EYS: variants seen among roughly 807,000 people sequenced by gnomAD.
The protein encoded by EYS is EGF-like photoreceptor maintenance factor.
A neutral mutation model predicts 282.1 loss-of-function variants in EYS; 250 were observed. The ratio of observed to expected loss-of-function variants is 0.89; its 90% confidence interval spans 0.80 to 0.98. The LOEUF is 0.98. Among genes scored for constraint, EYS ranks in the 50% least tolerant of loss-of-function variants. The pLI is 0.00. For missense variants in EYS, 4,016 were observed against 3,709.0 expected (o/e 1.08, Z -2.15); for synonymous variants, 1,355 against 1,282.9 (o/e 1.06, Z -1.20).
chr6:64,083,423 C>T (rs2149870383), intron 31 of EYS, among the ~76,000 whole-genome samples: 1 of 152,302 alleles, frequency 6.6e-6, no homozygotes, highest in Middle Eastern at 3.4e-3. Context: ...GGTGGCCTGA[C>T]ACCTGCTGTC....
At chr6:64,784,871 T>C (rs185056440) in intron 22 of EYS, among the ~76,000 whole-genome samples, 4 of 152,270 alleles carry the variant, frequency 2.6e-5, no homozygotes, top group Admixed American at 1.3e-4. Context: ...AGTTCACAGA[T>C]TGTACAGCCC....
intron 19 of EYS, among the ~76,000 whole-genome samples, chr6:64,848,244 C>T (rs1461999820): frequency 1.3e-5 from 2 of 151,880 alleles, no homozygotes; most frequent in Admixed American, 6.6e-5. Context: ...CTTTCCTTCA[C>T]ATTTTTTCTT....
At chr6:65,518,644 C>A (rs1767230867) in intron 2 of EYS, among the ~76,000 whole-genome samples, 1 of 152,018 alleles carries the variant, frequency 6.6e-6, no homozygotes, top group Admixed American at 6.6e-5. Flanking sequence ...TTTTCTTGTT[C>A]ATTGCTATAA....
chr6:64,483,994 T>A (rs1289339962), intron 26 of EYS, among the ~76,000 whole-genome samples: 3 of 151,640 alleles, frequency 2.0e-5, no homozygotes, highest in African/African-American at 7.3e-5. Context: ...AGTTTTAATA[T>A]GGGGAAAATA....
intron 39 of EYS, among the ~76,000 whole-genome samples, chr6:63,780,541 G>A (rs1469621875): frequency 1.3e-5 from 2 of 152,120 alleles, no homozygotes; most frequent in African/African-American, 2.4e-5. Flanking sequence ...TTGCATAAAT[G>A]TCTTCTTTTG....
chr6:64,246,510 A>C (rs1767029023), intron 30 of EYS, among the ~76,000 whole-genome samples: 1 of 152,190 alleles, frequency 6.6e-6, no homozygotes, highest in South Asian at 2.1e-4. Flanking sequence ...GATTCTAGAT[A>C]AAAGTAGGCT....
chr6:65,483,019 T>C (rs915749623), intron 5 of EYS, among the ~76,000 whole-genome samples: 29 of 152,308 alleles, frequency 1.9e-4, no homozygotes, highest in Admixed American at 1.4e-3. Flanking sequence ...AATTTAGCAA[T>C]AAATCTTATA....
At chr6:65,509,386 C>T (rs1766780838) in intron 2 of EYS, among the ~76,000 whole-genome samples, 1 of 152,178 alleles carries the variant, frequency 6.6e-6, no homozygotes, top group African/African-American at 2.4e-5. Flanking sequence ...TCTGTATCAT[C>T]TCCAATACTT....
chr6:64,632,447 G>A (rs1767814711), intron 22 of EYS, among the ~76,000 whole-genome samples: 1 of 152,002 alleles, frequency 6.6e-6, no homozygotes, highest in Admixed American at 6.6e-5. Flanking sequence ...CTGTGCTGTA[G>A]CCAAAAATTT....
intron 30 of EYS, among the ~76,000 whole-genome samples, chr6:64,285,859 C>A (rs993137458): frequency 6.6e-6 from 1 of 152,068 alleles, no homozygotes; most frequent in Admixed American, 6.6e-5. Context: ...ATGGGGGAAA[C>A]CGCCCCATGA....
intron 24 of EYS, among the ~76,000 whole-genome samples, chr6:64,598,840 A>G (rs1161227787): frequency 6.6e-6 from 1 of 152,240 alleles, no homozygotes; most frequent in Non-Finnish European, 1.5e-5. Context: ...AAAATATCCC[A>G]AAATACATAA....
At chr6:65,243,381 C>A (rs1265514582) in intron 12 of EYS, among the ~76,000 whole-genome samples, 1 of 152,152 alleles carries the variant, frequency 6.6e-6, no homozygotes, top group Non-Finnish European at 1.5e-5. Flanking sequence ...GCCTGCCCCT[C>A]TCAGAATGAA....
intron 33 of EYS, among the ~76,000 whole-genome samples, chr6:64,028,867 A>T (rs1289121850): frequency 2.0e-5 from 3 of 152,224 alleles, no homozygotes; most frequent in African/African-American, 7.2e-5. Flanking sequence ...TCAAAGGCCC[A>T]GCTTTGCCTA....
intron 32 of EYS, among the ~76,000 whole-genome samples, chr6:64,080,571 T>C (rs568828723): frequency 6.6e-6 from 1 of 152,224 alleles, no homozygotes; most frequent in Non-Finnish European, 1.5e-5. Context: ...TTACATCCCA[T>C]TGGTCAATTT....
At chr6:64,998,550 G>A (rs931929391) in intron 13 of EYS, among the ~76,000 whole-genome samples, 7 of 152,156 alleles carry the variant, frequency 4.6e-5, no homozygotes, top group Non-Finnish European at 1.0e-4. Flanking sequence ...TGTAACTAGG[G>A]CCTCTAAGGA....
At chr6:63,984,165 A>C (rs568111350) in intron 35 of EYS, among the ~76,000 whole-genome samples, 1 of 151,916 alleles carries the variant, frequency 6.6e-6, no homozygotes, top group East Asian at 1.9e-4. Context: ...TTACTGTCAG[A>C]GTCTGAGACT....
chr6:64,070,816 G>T (rs1468750586), intron 32 of EYS, among the ~76,000 whole-genome samples: 1 of 152,032 alleles, frequency 6.6e-6, no homozygotes, highest in Non-Finnish European at 1.5e-5. Context: ...CAGTGGAAAA[G>T]AATACAATGA....
At chr6:65,293,085 A>T (rs1456493121) in intron 12 of EYS, among the ~76,000 whole-genome samples, 1 of 151,672 alleles carries the variant, frequency 6.6e-6, no homozygotes, top group Non-Finnish European at 1.5e-5. Flanking sequence ...CTATTGGTTA[A>T]AGGAGAACTT....
chr6:65,567,366 A>G (rs1044156458), intron 2 of EYS, among the ~76,000 whole-genome samples: 1 of 150,916 alleles, frequency 6.6e-6, no homozygotes. Flanking sequence ...ATGAAATGAA[A>G]AAGTATTTAT....
Sources: allele counts gnomAD v4.1 joint callset (sites outside exome capture counted in the v4.1 genomes callset), GRCh38; gene constraint gnomAD v4.1.1; transcripts MANE v1.5; gene names NCBI Gene and HGNC (gene_info 2026-07-23, HGNC 2026-07-21).